The following PTPRN2 variants were observed in gnomAD, a reference collection of about 807,000 sequenced individuals.
PTPRN2 encodes receptor-type tyrosine-protein phosphatase N2.
In PTPRN2, 74 loss-of-function variants were observed where a neutral mutation model predicts 118.8. That is an observed-to-expected ratio of 0.62 (90% CI 0.52 to 0.76). The LOEUF (loss-of-function observed/expected upper bound fraction) is 0.76, where lower values mean the gene tolerates loss of function less well. PTPRN2 is among the 30% of genes least tolerant of loss of function. The pLI is 0.00. For synonymous variants in PTPRN2, 641 were observed against 608.0 expected (o/e 1.05, Z -0.80); for missense variants, 1,481 against 1,394.4 (o/e 1.06, Z -0.99).
At chr7:158,212,348 A>G (rs1038283615) in intron 3 of PTPRN2, among the ~76,000 whole-genome samples, 1 of 152,154 alleles carries the variant, frequency 6.6e-6, no homozygotes, top group African/African-American at 2.4e-5. Flanking sequence ...AGTCAACAAT[A>G]ATTTATTGTA....
chr7:157,861,482 C>G lies in PTPRN2; in HGVS notation c.1788+37191G>C, dbSNP rs1810236852. Among the ~76,000 whole-genome samples the G allele has an allele frequency of 6.6e-6, 1 of 152,242 alleles. No homozygotes were observed. The highest frequency in any genetic ancestry group is 2.1e-4 in the South Asian group (1 of 4,834). ...CTGCCCTCGGACATGCTGGCCCGCC[C>G]TCCCTGAGTCTTGCAGGGCCCAGCC... On this transcript the variant is annotated intron_variant, in intron 12 of 22. Coordinates refer to ENST00000389418, the MANE Select transcript of PTPRN2 (RefSeq NM_002847.5). This position sits in a 1 kb window ranked among gnomAD's most constrained non-coding sequence, Gnocchi z 5.8.
At chr7:158,286,537 T>A (rs908037741) in intron 3 of PTPRN2, among the ~76,000 whole-genome samples, 2 of 152,218 alleles carry the variant, frequency 1.3e-5, no homozygotes, top group African/African-American at 4.8e-5. Flanking sequence ...CTACAGTATA[T>A]CTAATTTATT....
intron 4 of PTPRN2, among the ~76,000 whole-genome samples, chr7:158,195,409 T>C (rs1022451723): frequency 5.3e-4 from 80 of 152,196 alleles, no homozygotes; most frequent in African/African-American, 1.9e-3. Flanking sequence ...TTTTGAGAAA[T>C]TTTATTATGA....
chr7:158,532,898 C>G, intron 1 of PTPRN2: 1 of 492,768 alleles, frequency 2.0e-6, no homozygotes, highest in Non-Finnish European at 4.3e-6. Context: ...CAGGGACGGC[C>G]AGGCTCCACC....
At chr7:157,934,722 A>G (rs1249014699) in intron 11 of PTPRN2, among the ~76,000 whole-genome samples, 1 of 152,146 alleles carries the variant, frequency 6.6e-6, no homozygotes, top group Non-Finnish European at 1.5e-5. Flanking sequence ...CACTTCCTCC[A>G]GAAGCTCTCA....
At position 157,978,756 on chromosome 7, in the gene PTPRN2, A is replaced by G. The variant is rs149925644; in HGVS notation, c.1724-80019T>C. On this transcript the variant is annotated intron_variant, in intron 11 of 22. Transcript: ENST00000389418. ...CACTTTCTGTTCCCTTCCTCAAGGGAAGCCTTTTCCCCTGATTTTCTGTCA... is the reference window on the plus strand; with the variant it reads ...CACTTTCTGTTCCCTTCCTCAAGGGGAGCCTTTTCCCCTGATTTTCTGTCA... Among the ~76,000 whole-genome samples the G allele has an allele frequency of 1.5e-3, 221 of 152,050 alleles. 1 individual carries two copies. Among genetic ancestry groups the G allele is most frequent in the African/African-American group, 5.2e-3 (214 of 41,544 alleles).
At chr7:158,319,062 A>G (rs910563169) in intron 2 of PTPRN2, among the ~76,000 whole-genome samples, 1 of 152,352 alleles carries the variant, frequency 6.6e-6, no homozygotes, top group African/African-American at 2.4e-5. Flanking sequence ...TCTTGCATAC[A>G]ATGTCATAAA....
chr7:157,710,187 GCTCTCTCCCTC>G (rs1328695554), intron 12 of PTPRN2, among the ~76,000 whole-genome samples: 1 of 152,192 alleles, frequency 6.6e-6, no homozygotes, highest in Non-Finnish European at 1.5e-5. Flanking sequence ...TAAAATCTGA[GCTCTCTCCCTC>G]CTGCGTCCAT....
At chr7:157,722,608 C>T (rs1031418091) in intron 12 of PTPRN2, among the ~76,000 whole-genome samples, 5 of 152,270 alleles carry the variant, frequency 3.3e-5, no homozygotes, top group South Asian at 2.1e-4. Context: ...CTGCGTGGCC[C>T]GAGTGTGGGC....
chr7:157,750,718 C>G (rs973594705), intron 12 of PTPRN2, among the ~76,000 whole-genome samples: 1 of 152,246 alleles, frequency 6.6e-6, no homozygotes, highest in African/African-American at 2.4e-5. Flanking sequence ...GCTCCAGTGT[C>G]GAGTACCCAG....
At chr7:158,264,486 C>A (rs371962989) in intron 3 of PTPRN2, among the ~76,000 whole-genome samples, 21 of 152,342 alleles carry the variant, frequency 1.4e-4, no homozygotes, top group African/African-American at 5.0e-4. Context: ...AAGCCACACT[C>A]CTGTCCATAC....
At chr7:158,418,246 C>CGCTGTGTT (rs1346298626) in intron 2 of PTPRN2, among the ~76,000 whole-genome samples, 6 of 151,504 alleles carry the variant, frequency 4.0e-5, no homozygotes, top group African/African-American at 1.5e-4. Context: ...CTCAGTGTCC[C>CGCTGTGTT]ACTGTGTTGT....
chr7:158,213,972 C>A (rs1408834048), intron 3 of PTPRN2, among the ~76,000 whole-genome samples: 1 of 152,062 alleles, frequency 6.6e-6, no homozygotes, highest in Non-Finnish European at 1.5e-5. Context: ...TCTTCCAGAA[C>A]AACAGTTGGT....
intron 6 of PTPRN2, among the ~76,000 whole-genome samples, chr7:158,150,273 A>C (rs1287548665): frequency 6.6e-6 from 1 of 152,250 alleles, no homozygotes; most frequent in Non-Finnish European, 1.5e-5. Flanking sequence ...AAACAAGTTG[A>C]ATCCAGGCTG....
chr7:157,920,885 A>C (rs533037549), intron 11 of PTPRN2, among the ~76,000 whole-genome samples: 45 of 152,362 alleles, frequency 3.0e-4, no homozygotes, highest in South Asian at 4.1e-4. Context: ...CCAAAAGCAC[A>C]GTTCATGAAA....
At chr7:158,274,883 T>G (rs563484015) in intron 3 of PTPRN2, among the ~76,000 whole-genome samples, 29 of 152,274 alleles carry the variant, frequency 1.9e-4, no homozygotes, top group African/African-American at 6.5e-4. Context: ...ATTTGCTACT[T>G]GACAAAGAAG....
At chr7:158,393,317 C>G (rs979833411) in intron 2 of PTPRN2, among the ~76,000 whole-genome samples, 1 of 152,264 alleles carries the variant, frequency 6.6e-6, no homozygotes, top group Non-Finnish European at 1.5e-5. Context: ...TTAACACGCT[C>G]TGCCACGAAC....
chr7:157,751,778 A>G (rs1801483946), intron 12 of PTPRN2, among the ~76,000 whole-genome samples: 1 of 151,842 alleles, frequency 6.6e-6, no homozygotes, highest in Admixed American at 6.6e-5. Context: ...CATGTTCACC[A>G]AGACCGAGGG....
chr7:157,593,968 G>A (rs1011627225), intron 17 of PTPRN2, among the ~76,000 whole-genome samples: 7 of 152,196 alleles, frequency 4.6e-5, no homozygotes, highest in African/African-American at 1.7e-4. Flanking sequence ...GAAGACACAG[G>A]CAGACACAAA....
Sources: gnomAD v4.1 joint callset for allele counts (sites outside exome capture counted in the v4.1 genomes callset) on GRCh38, gnomAD v4.1.1 for gene constraint, Gnocchi (gnomAD v3.1) non-coding constraint, MANE v1.5 for transcripts, NCBI Gene and HGNC (gene_info 2026-07-23, HGNC 2026-07-21) for gene names.